The following CPAMD8 variants were observed in gnomAD, a reference collection of about 807,000 sequenced individuals.
The protein encoded by CPAMD8 is C3 and PZP-like alpha-2-macroglobulin domain-containing protein 8.
A neutral mutation model predicts 224.7 loss-of-function variants in CPAMD8; 146 were observed. The ratio of observed to expected loss-of-function variants is 0.65; its 90% CI spans 0.57 to 0.75. The LOEUF is 0.75. Ranked by LOEUF, CPAMD8 falls within the 30% of genes least tolerant of loss-of-function variation. The probability of loss-of-function intolerance (pLI) is 0.00; values close to 1 mark genes in which losing one functional copy is unlikely to be tolerated. For synonymous variants in CPAMD8, 966 were observed against 1,044.6 expected (o/e 0.92, Z 1.45); for missense variants, 2,301 against 2,537.5 (o/e 0.91, Z 2.00).
chr19:17,025,765 C>A (rs1215063740), intron 1 of CPAMD8, among the ~76,000 whole-genome samples: 1 of 152,138 alleles, frequency 6.6e-6, no homozygotes, highest in African/African-American at 2.4e-5. Context: ...TTTCACGAAG[C>A]CTAGGAGAGG....
intron 1 of CPAMD8, among the ~76,000 whole-genome samples, chr19:17,023,048 A>C (rs2056999057): frequency 6.6e-6 from 1 of 152,200 alleles, no homozygotes. Flanking sequence ...TGATAAAAAG[A>C]AGCAAAGGGC....
chr19:17,010,714 A>C (rs140207237), intron 5 of CPAMD8, among the ~76,000 whole-genome samples: 1,820 of 152,246 alleles, frequency 0.012, 34 homozygotes, highest in Non-Finnish European at 0.014. Flanking sequence ...ACAGAGAGAG[A>C]GCGCTAGAAA....
At chr19:16,962,876 G>A (rs564374097) in intron 18 of CPAMD8, among the ~76,000 whole-genome samples, 1 of 152,246 alleles carries the variant, frequency 6.6e-6, no homozygotes, top group Non-Finnish European at 1.5e-5. Context: ...GAAGAGAGTG[G>A]GGGCCAATAT....
At chr19:16,971,891 A>C (rs951205619) in intron 17 of CPAMD8, among the ~76,000 whole-genome samples, 9 of 152,070 alleles carry the variant, frequency 5.9e-5, no homozygotes, top group Non-Finnish European at 1.0e-4. Context: ...TACTAAAAAT[A>C]CAAGAATTAG....
intron 23 of CPAMD8, 77 bp from the exon 24 acceptor site, chr19:16,929,317 G>T: frequency 4.9e-6 from 6 of 1,215,212 alleles, no homozygotes; most frequent in Non-Finnish European, 7.0e-6. Context: ...ACCTGGAGGT[G>T]AGCACCAGGA....
intron 19 of CPAMD8, 55 bp from the exon 20 acceptor site, chr19:16,952,255 G>A: frequency 9.7e-7 from 1 of 1,032,726 alleles, no homozygotes; most frequent in East Asian, 2.6e-5. Flanking sequence ...CCATGCCTCA[G>A]GGGGGCCAGT....
At chr19:17,004,913 A>G (rs1388088967) in intron 7 of CPAMD8, among the ~76,000 whole-genome samples, 1 of 151,874 alleles carries the variant, frequency 6.6e-6, no homozygotes, top group Admixed American at 6.5e-5. Context: ...TATCGCCCCT[A>G]GGGGGCAAAA....
At chr19:17,026,107 C>T (rs999821698) in intron 1 of CPAMD8, among the ~76,000 whole-genome samples, 3 of 152,176 alleles carry the variant, frequency 2.0e-5, no homozygotes, top group African/African-American at 7.2e-5. Context: ...GCTGTCAACC[C>T]ACCAGAAGCC....
chr19:16,946,392 T>C (rs73016326), intron 21 of CPAMD8, among the ~76,000 whole-genome samples: 23,788 of 149,994 alleles, frequency 0.16, 2,141 homozygotes, highest in East Asian at 0.28. Context: ...TGTGTGTATA[T>C]GCATGTCTAC....
chr19:17,020,340 G>C lies in CPAMD8; in HGVS notation c.258C>G (p.Ile86Met). The change falls in exon 3 of 42, where the codon ATC becomes ATG. Residue 86 changes from isoleucine (I) to methionine (M), a missense_variant. Physicochemically the swap from Ile to Met is conservative, Grantham distance 10. This residue lies in a region of CPAMD8 where 283 missense variants were observed against 340.6 expected (regional missense o/e 0.83). Coordinates refer to ENST00000443236, the MANE Select transcript of CPAMD8 (RefSeq NM_015692.5). ...SQGAILDKGT[I>M]KLKVPTGLRG... ...AAAATCAACGGCTTACCTTGAGTTT[G>C]ATTGTCCCTTTATCTAAAAATGAAA... 1 of 1,586,970 alleles carries C rather than the reference G, an allele frequency of 6.3e-7. No individual in the cohort carries two copies. The highest frequency in any genetic ancestry group is 8.7e-7 in the Non-Finnish European group (1 of 1,155,996).
At chr19:17,025,796 G>A (rs1160697634) in intron 1 of CPAMD8, among the ~76,000 whole-genome samples, 1 of 152,158 alleles carries the variant, frequency 6.6e-6, no homozygotes, top group African/African-American at 2.4e-5. Flanking sequence ...TGCTCAGAGC[G>A]CAGTAGACTG....
At chr19:17,001,034 A>C (rs948518925) in intron 9 of CPAMD8, among the ~76,000 whole-genome samples, 1 of 152,030 alleles carries the variant, frequency 6.6e-6, no homozygotes. Context: ...AAAATGAGAG[A>C]GTGCAGGCTG....
chr19:16,920,855 CA>C (rs200039066), intron 27 of CPAMD8, among the ~76,000 whole-genome samples: 2,609 of 118,320 alleles, frequency 0.022, 16 homozygotes, highest in Middle Eastern at 0.035. Flanking sequence ...GACTCTATCT[CA>C]AAAAAAAAAA....
intron 14 of CPAMD8, 148 bp downstream of exon 14, chr19:16,980,349 T>C: frequency 1.5e-6 from 1 of 664,822 alleles, no homozygotes; most frequent in Non-Finnish European, 2.5e-6. Context: ...GGACCCAGTC[T>C]GGTATTGTTA....
chr19:17,009,483 C>G, intron 5 of CPAMD8, 163 bp from the exon 6 acceptor site: 1 of 1,244,808 alleles, frequency 8.0e-7, no homozygotes, highest in Non-Finnish European at 1.1e-6. Flanking sequence ...CAAGTAGGGT[C>G]TTTAGAAAGA....
intron 41 of CPAMD8, chr19:16,893,614 A>C: frequency 5.6e-6 from 2 of 357,374 alleles, no homozygotes; most frequent in Admixed American, 4.3e-5. Context: ...AGGGGAATCA[A>C]AGTCTGCTGG....
chr19:16,906,411 C>T (rs113756629), intron 30 of CPAMD8, among the ~76,000 whole-genome samples: 2,904 of 63,380 alleles, frequency 0.046, 76 homozygotes, highest in African/African-American at 0.067. Context: ...TCTTTCTTTC[C>T]TTCCTTCCTT....
intron 19 of CPAMD8, among the ~76,000 whole-genome samples, chr19:16,956,041 C>T (rs1488557325): frequency 2.0e-5 from 3 of 152,092 alleles, no homozygotes; most frequent in Non-Finnish European, 2.9e-5. Flanking sequence ...GGAACCTCCT[C>T]CCTGGTCTCA....
intron 23 of CPAMD8, among the ~76,000 whole-genome samples, chr19:16,930,607 T>A (rs1599724442): frequency 6.6e-6 from 1 of 151,818 alleles, no homozygotes; most frequent in Non-Finnish European, 1.5e-5. Context: ...GAGGAAAGGG[T>A]GAGTGAACCC....
Sources: gnomAD v4.1 joint callset for allele counts (sites outside exome capture counted in the v4.1 genomes callset) on GRCh38, gnomAD v4.1.1 for gene constraint, gnomAD v4.1.1 regional missense constraint, MANE v1.5 for transcripts, NCBI Gene and HGNC (gene_info 2026-07-23, HGNC 2026-07-21) for gene names.